Variants in SEMA5A observed in about 807,000 individuals in gnomAD.
SEMA5A encodes semaphorin-5A.
A neutral mutation model predicts 135.5 loss-of-function variants in SEMA5A; 55 were observed. The observed-to-expected ratio is 0.41, with a 90% confidence interval of 0.33 to 0.51. The LOEUF is 0.51. SEMA5A is among the 20% of genes least tolerant of loss of function. The pLI, the probability that SEMA5A is intolerant of heterozygous loss-of-function variation, is 0.37. For missense variants in SEMA5A, 1,290 were observed against 1,419.9 expected, an observed-to-expected ratio of 0.91 and a Z score of 1.47; for synonymous variants, 580 against 546.5, an observed-to-expected ratio of 1.06 and a Z score of -0.85.
chr5:9,379,876 G>A lies in SEMA5A; in HGVS notation c.71C>T (p.Ala24Val), dbSNP rs142436335. ...TCTCTGGCACTGAGTCGTACCCTGG[G>A]CCTCTGGGTGGGCGAGTCTCCACAG... Reference protein sequence around the residue: ...LGLWRLAHPEAQGTTQCQRTE... With the variant: ...LGLWRLAHPEVQGTTQCQRTE... The change falls in exon 3 of 23, where the codon GCC becomes GTC. Residue 24 changes from alanine (A) to valine (V), a missense_variant. This residue lies in a region of SEMA5A where 116 missense variants were observed against 121.3 expected (regional missense o/e 0.96). Transcript: ENST00000382496. The A allele has an allele frequency of 3.7e-6, 6 of 1,613,942 alleles. No homozygotes were observed. The African/African-American group carries it at 4.0e-5, about 11-fold the overall frequency.
At chr5:9,310,490 G>A (rs1579321752) in intron 5 of SEMA5A, among the ~76,000 whole-genome samples, 1 of 152,024 alleles carries the variant, frequency 6.6e-6, no homozygotes, top group East Asian at 1.9e-4. Flanking sequence ...ATTTTTGAGA[G>A]CTGTGGGGGA....
intron 4 of SEMA5A, among the ~76,000 whole-genome samples, chr5:9,328,116 C>G (rs552204444): frequency 6.6e-6 from 1 of 152,290 alleles, no homozygotes; most frequent in South Asian, 2.1e-4. Flanking sequence ...CCCAGTCACA[C>G]TCCCAAAACT....
chr5:9,179,438 A>G (rs1214568310), intron 11 of SEMA5A, among the ~76,000 whole-genome samples: 1 of 152,136 alleles, frequency 6.6e-6, no homozygotes, highest in Non-Finnish European at 1.5e-5. Context: ...AAAACAGGAA[A>G]TTTATCTGCT....
chr5:9,374,966 T>A (rs1338569856), intron 3 of SEMA5A, among the ~76,000 whole-genome samples: 1 of 152,088 alleles, frequency 6.6e-6, no homozygotes, highest in Non-Finnish European at 1.5e-5. Context: ...CCCTCTCTTC[T>A]CTCTCTTTAG....
intron 5 of SEMA5A, among the ~76,000 whole-genome samples, chr5:9,283,891 T>G (rs1750663656): frequency 6.6e-6 from 1 of 152,204 alleles, no homozygotes; most frequent in Non-Finnish European, 1.5e-5. Flanking sequence ...TCACCTTATT[T>G]TCATGATTGC....
At chr5:9,283,196 AT>A (rs1750628357) in intron 5 of SEMA5A, among the ~76,000 whole-genome samples, 1 of 152,174 alleles carries the variant, frequency 6.6e-6, no homozygotes, top group African/African-American at 2.4e-5. Context: ...AGCAATACCT[AT>A]GAATTATCTC....
At chr5:9,538,755 TC>T (rs1737916657) in intron 1 of SEMA5A, among the ~76,000 whole-genome samples, 1 of 152,150 alleles carries the variant, frequency 6.6e-6, no homozygotes, top group African/African-American at 2.4e-5. Flanking sequence ...CAGATAGACT[TC>T]CCAGGAAGAA....
chr5:9,124,133 G>A (rs1022510147), intron 13 of SEMA5A, among the ~76,000 whole-genome samples: 1 of 152,126 alleles, frequency 6.6e-6, no homozygotes, highest in Admixed American at 6.5e-5. Flanking sequence ...GAGGAACCCA[G>A]GGCAGGGACC....
chr5:9,509,762 T>G (rs1206404379), intron 1 of SEMA5A, among the ~76,000 whole-genome samples: 2 of 152,184 alleles, frequency 1.3e-5, no homozygotes, highest in Non-Finnish European at 2.9e-5. Context: ...TCAGCTGCTC[T>G]CACTAGATAG....
At chr5:9,361,699 A>T (rs3797997) in intron 3 of SEMA5A, among the ~76,000 whole-genome samples, 1 of 152,194 alleles carries the variant, frequency 6.6e-6, no homozygotes. Context: ...AGGTTGGTGC[A>T]AAAGTAATTG....
intron 3 of SEMA5A, among the ~76,000 whole-genome samples, chr5:9,357,321 A>G (rs1754495545): frequency 6.6e-6 from 1 of 152,236 alleles, no homozygotes; most frequent in African/African-American, 2.4e-5. Context: ...GGAATATGAA[A>G]GGGGAAAACT....
At chr5:9,397,567 T>C (rs147098057) in intron 2 of SEMA5A, among the ~76,000 whole-genome samples, 3 of 152,222 alleles carry the variant, frequency 2.0e-5, no homozygotes, top group African/African-American at 7.2e-5. Flanking sequence ...ACACACCCAA[T>C]CATTAGAACA....
intron 11 of SEMA5A, among the ~76,000 whole-genome samples, chr5:9,180,975 TAA>T (rs1257435422): frequency 2.0e-5 from 3 of 152,168 alleles, no homozygotes; most frequent in Non-Finnish European, 4.4e-5. Flanking sequence ...CAAGCAACCA[TAA>T]AAAGATACTC....
At chr5:9,340,930 C>A (rs1753620164) in intron 3 of SEMA5A, among the ~76,000 whole-genome samples, 1 of 152,142 alleles carries the variant, frequency 6.6e-6, no homozygotes, top group Non-Finnish European at 1.5e-5. Context: ...GCACTCAATC[C>A]TCTTTTCAAA....
intron 5 of SEMA5A, among the ~76,000 whole-genome samples, chr5:9,274,526 A>T (rs894874685): frequency 6.6e-6 from 1 of 152,036 alleles, no homozygotes; most frequent in South Asian, 2.1e-4. Context: ...AACAGAATAT[A>T]CATTATTTTC....
At chr5:9,126,791 A>G (rs1579442194) in intron 13 of SEMA5A, among the ~76,000 whole-genome samples, 1 of 152,212 alleles carries the variant, frequency 6.6e-6, no homozygotes, top group Non-Finnish European at 1.5e-5. Flanking sequence ...GCTTTTGGTC[A>G]GCTGAAGTGC....
At chr5:9,515,838 A>G (rs932475766) in intron 1 of SEMA5A, among the ~76,000 whole-genome samples, 1 of 152,240 alleles carries the variant, frequency 6.6e-6, no homozygotes, top group Admixed American at 6.5e-5. Flanking sequence ...ATAGTATGCT[A>G]AGAACCAAAC....
At chr5:9,062,631 A>G (rs1452921331) in intron 18 of SEMA5A, among the ~76,000 whole-genome samples, 2 of 152,026 alleles carry the variant, frequency 1.3e-5, no homozygotes, top group African/African-American at 4.8e-5. Context: ...ATACTTGGCT[A>G]ATTTTTGTAT....
intron 3 of SEMA5A, among the ~76,000 whole-genome samples, chr5:9,351,850 T>C (rs1754132125): frequency 6.6e-6 from 1 of 152,238 alleles, no homozygotes; most frequent in South Asian, 2.1e-4. Context: ...AAAGCTGTAC[T>C]CTACTTGCAT....
Sources: gnomAD v4.1 joint callset for allele counts (sites outside exome capture counted in the v4.1 genomes callset) on GRCh38, gnomAD v4.1.1 for gene constraint, gnomAD v4.1.1 regional missense constraint, MANE v1.5 for transcripts, NCBI Gene and HGNC (gene_info 2026-07-23, HGNC 2026-07-21) for gene names.